The following ARHGAP32 variants were observed in gnomAD, a reference collection of about 807,000 sequenced individuals.
The protein encoded by ARHGAP32 is rho GTPase-activating protein 32.
ARHGAP32 carries 51 observed loss-of-function variants against 186.5 expected under a neutral mutation model. The observed-to-expected ratio is 0.27, with a 90% confidence interval of 0.22 to 0.35. ARHGAP32 has a LOEUF of 0.35. Among genes scored for constraint, ARHGAP32 ranks in the 10% least tolerant of loss-of-function variants. The pLI, the probability that ARHGAP32 is intolerant of heterozygous loss-of-function variation, is 1.00. For missense variants in ARHGAP32, 2,186 were observed against 2,623.5 expected, an observed-to-expected ratio of 0.83 and a Z score of 3.64; for synonymous variants, 950 against 964.3, an observed-to-expected ratio of 0.99 and a Z score of 0.27.
chr11:128,977,851 T>TTTATTATTATTA (rs58982581), intron 19 of ARHGAP32, among the ~76,000 whole-genome samples: 64 of 138,964 alleles, frequency 4.6e-4, no homozygotes, highest in East Asian at 4.2e-4. Context: ...TTATTTGCAA[T>TTTATTATTATTA]TTATTATTAT....
At chr11:129,179,836 C>T (rs1446272076) in intron 1 of ARHGAP32, among the ~76,000 whole-genome samples, 1 of 151,974 alleles carries the variant, frequency 6.6e-6, no homozygotes, top group East Asian at 1.9e-4. Context: ...GGAGATATAC[C>T]TAATGCTAGA....
chr11:129,130,037 TA>T (rs1942774537), intron 2 of ARHGAP32, among the ~76,000 whole-genome samples: 1 of 152,182 alleles, frequency 6.6e-6, no homozygotes, highest in South Asian at 2.1e-4. Context: ...AGCTTTCCAT[TA>T]AAATTATAAA....
At position 128,970,689 on chromosome 11, in the gene ARHGAP32, G is replaced by A; in HGVS notation, c.4524C>T (p.Phe1508=). 1 of 1,614,146 alleles carries A rather than the reference G, an allele frequency of 6.2e-7. No individual in the cohort carries two copies. Among genetic ancestry groups the A allele is most frequent in the Non-Finnish European group, 8.5e-7 (1 of 1,180,026 alleles). Residue 1508 remains phenylalanine (F), a synonymous_variant, in exon 23 of 23, where the codon TTC becomes TTT. Coordinates refer to ENST00000682385, the MANE Select transcript of ARHGAP32 (RefSeq NM_001378024.1). This position sits in a 1 kb window ranked among gnomAD's most constrained non-coding sequence, Gnocchi z 5.8. Reference sequence around the variant, plus strand: ...GGTACTGGCAGTTTGGAGTCATATTGAAATGCAAACAGTTATCTGGACCAA... The same window carrying A: ...GGTACTGGCAGTTTGGAGTCATATTAAAATGCAAACAGTTATCTGGACCAA... ...EPFGPDNCLH[F]NMTPNCQYRP...
At chr11:129,213,415 C>A (rs1944606395) in intron 1 of ARHGAP32, among the ~76,000 whole-genome samples, 1 of 152,128 alleles carries the variant, frequency 6.6e-6, no homozygotes, top group East Asian at 1.9e-4. Context: ...CAACTGACAG[C>A]CGGTAATAAT....
chr11:129,006,977 A>G (rs906746744), intron 11 of ARHGAP32, among the ~76,000 whole-genome samples: 2 of 151,732 alleles, frequency 1.3e-5, no homozygotes, highest in African/African-American at 4.8e-5. Context: ...TCCCCTTTCC[A>G]TAGGCAGAGG....
At chr11:129,240,460 T>C (rs1204604981) in intron 1 of ARHGAP32, among the ~76,000 whole-genome samples, 5 of 152,172 alleles carry the variant, frequency 3.3e-5, no homozygotes, top group Non-Finnish European at 5.9e-5. Context: ...CCATCTCAAG[T>C]AATTTCCTTT....
intron 1 of ARHGAP32, among the ~76,000 whole-genome samples, chr11:129,232,290 ATAC>A (rs1324122090): frequency 1.3e-5 from 2 of 152,200 alleles, no homozygotes; most frequent in African/African-American, 4.8e-5. Context: ...TTTACACTTT[ATAC>A]AACAGAGGGC....
chr11:129,099,782 G>A (rs1941839179), intron 5 of ARHGAP32, among the ~76,000 whole-genome samples: 1 of 152,148 alleles, frequency 6.6e-6, no homozygotes, highest in African/African-American at 2.4e-5. Flanking sequence ...CTGACTAGAT[G>A]CAGCCAGGTG....
intron 1 of ARHGAP32, among the ~76,000 whole-genome samples, chr11:129,176,695 A>G (rs1438929898): frequency 2.0e-5 from 3 of 150,268 alleles, no homozygotes; most frequent in African/African-American, 7.3e-5. Context: ...TACTGGGTAC[A>G]TAACGAAATG....
chr11:128,982,259 A>G (rs1335134251), intron 15 of ARHGAP32, among the ~76,000 whole-genome samples: 1 of 152,164 alleles, frequency 6.6e-6, no homozygotes, highest in Non-Finnish European at 1.5e-5. Flanking sequence ...GTTACAAGAA[A>G]AATTCCAATA....
chr11:129,258,577 C>T (rs918686036), intron 1 of ARHGAP32, among the ~76,000 whole-genome samples: 1 of 152,150 alleles, frequency 6.6e-6, no homozygotes, highest in Non-Finnish European at 1.5e-5. Context: ...TCTGCCTCCA[C>T]TAAGGAACTA....
At chr11:129,054,152 C>T (rs1403835976) in intron 10 of ARHGAP32, among the ~76,000 whole-genome samples, 1 of 151,744 alleles carries the variant, frequency 6.6e-6, no homozygotes, top group Non-Finnish European at 1.5e-5. Context: ...CTATGAAAAA[C>T]GAAATAGGTG....
chr11:128,976,686 G>A (rs1396321783), intron 19 of ARHGAP32, 52 bp from the exon 20 acceptor site: 1 of 1,454,938 alleles, frequency 6.9e-7, no homozygotes, highest in Non-Finnish European at 9.6e-7. Flanking sequence ...TTACATATGT[G>A]GTTAATGGGA....
chr11:129,018,441 G>A (rs552278356), intron 11 of ARHGAP32, among the ~76,000 whole-genome samples: 1 of 152,312 alleles, frequency 6.6e-6, no homozygotes, highest in South Asian at 2.1e-4. Flanking sequence ...TCTTAAGTAA[G>A]TAGTTGAAGT....
At chr11:129,261,705 A>G (rs2135710805) in intron 1 of ARHGAP32, among the ~76,000 whole-genome samples, 3 of 152,346 alleles carry the variant, frequency 2.0e-5, no homozygotes. Context: ...AAATAAATGG[A>G]TGAAAACTGC....
Position 128,965,624 on chromosome 11 carries a change from T to G in ARHGAP32, c.*3283A>C, listed in dbSNP as rs2136045373. ...CTGACATTTCTGTAACACACAGTGC[T>G]GAAAATCACATGCCTCTAACCATGT... is the stretch of plus-strand genomic sequence containing the variant. On this transcript the variant is annotated 3_prime_UTR_variant, in exon 23 of 23. Transcript: ENST00000682385. The G allele has an allele frequency of 6.6e-6, 1 of 152,346 alleles. No homozygotes were observed. Among genetic ancestry groups the G allele is most frequent in the Non-Finnish European group, 1.5e-5 (1 of 68,036 alleles). 9.4% of individuals were successfully genotyped at this position (152,346 alleles called of 1,614,324 possible). A position where few individuals can be genotyped will look rare whatever the true frequency, so the allele number is the denominator to read the frequency against.
chr11:129,049,917 C>T (rs892271248), intron 10 of ARHGAP32, among the ~76,000 whole-genome samples: 4 of 152,174 alleles, frequency 2.6e-5, no homozygotes, highest in Non-Finnish European at 4.4e-5. Context: ...AGTAATTCCT[C>T]CCTTAACGTC....
intron 1 of ARHGAP32, among the ~76,000 whole-genome samples, chr11:129,249,271 T>C (rs1364491599): frequency 1.3e-5 from 2 of 152,070 alleles, no homozygotes; most frequent in African/African-American, 4.8e-5. Flanking sequence ...AAAACAGTAA[T>C]ACTCTTTATA....
intron 1 of ARHGAP32, among the ~76,000 whole-genome samples, chr11:129,167,809 G>A (rs549973969): frequency 3.9e-5 from 6 of 152,226 alleles, no homozygotes; most frequent in African/African-American, 1.2e-4. Context: ...AGTGGTTTTC[G>A]TATAACTTCA....
Sources: gnomAD v4.1 joint callset for allele counts (sites outside exome capture counted in the v4.1 genomes callset) on GRCh38, gnomAD v4.1.1 for gene constraint, Gnocchi (gnomAD v3.1) non-coding constraint, MANE v1.5 for transcripts, NCBI Gene and HGNC (gene_info 2026-07-23, HGNC 2026-07-21) for gene names.